Variants in DNAH14 observed in about 807,000 individuals in gnomAD.
DNAH14 encodes dynein axonemal heavy chain 14.
In DNAH14, 478 loss-of-function variants were observed where a neutral mutation model predicts 520.9. That is an observed-to-expected ratio of 0.92 (90% CI 0.85 to 0.99). The LOEUF is 0.99. DNAH14 is among the 50% of genes least tolerant of loss of function. The pLI is 0.00. For synonymous variants in DNAH14, 1,581 were observed against 1,757.2 expected (o/e 0.90, Z 2.51); for missense variants, 4,831 against 5,234.5 (o/e 0.92, Z 2.38).
At chr1:225,024,385 A>G (rs765290846) in intron 11 of DNAH14, 2 of 411,298 alleles carry the variant, frequency 4.9e-6, no homozygotes, top group Non-Finnish European at 6.6e-6. Context: ...CACTACTGTT[A>G]AAAACAAAGC....
At chr1:225,231,831 AAT>A (rs2091150618) in intron 42 of DNAH14, among the ~76,000 whole-genome samples, 1 of 98,046 alleles carries the variant, frequency 1.0e-5, no homozygotes, top group Non-Finnish European at 2.2e-5. Context: ...TGGTTTCCCC[AAT>A]TTTTTCCTGC....
rs1471586203 is a variant in DNAH14 at position 225,204,234 on chromosome 1, G to A, written c.5938G>A (p.Glu1980Lys). The A allele has an allele frequency of 6.7e-7, 1 of 1,491,982 alleles. No homozygotes were observed. The highest frequency in any genetic ancestry group is 2.7e-5 in the East Asian group (1 of 37,220). 92.4% of individuals were successfully genotyped at this position (1,491,982 alleles called of 1,614,324 possible). Residue 1980 changes from glutamate to lysine, a missense_variant, in exon 39 of 86, where the codon GAG becomes AAG. Physicochemically the swap from Glu to Lys is moderately conservative, Grantham distance 56. Coordinates refer to ENST00000682510, the MANE Select transcript of DNAH14 (RefSeq NM_001367479.1). ...DTTETDDNIFEEIEKVVKIPE... is the reference protein window; with the variant it reads ...DTTETDDNIFKEIEKVVKIPE... ...AACAGAGACTGATGATAATATTTTT[G>A]AGGAGATAGAGAAAGTTGTTAAAAT...
intron 41 of DNAH14, among the ~76,000 whole-genome samples, chr1:225,225,484 C>T (rs2090451611): frequency 6.6e-6 from 1 of 152,138 alleles, no homozygotes; most frequent in African/African-American, 2.4e-5. Context: ...CCACATAGAA[C>T]ATCCAACATT....
At chr1:225,170,964 C>G (rs1393292560) in intron 36 of DNAH14, among the ~76,000 whole-genome samples, 1 of 152,216 alleles carries the variant, frequency 6.6e-6, no homozygotes, top group Non-Finnish European at 1.5e-5. Flanking sequence ...GATTAAGAAA[C>G]TCACTCAAAA....
At chr1:224,958,581 G>A (rs977443324) in intron 3 of DNAH14, among the ~76,000 whole-genome samples, 1 of 152,102 alleles carries the variant, frequency 6.6e-6, no homozygotes, top group African/African-American at 2.4e-5. Context: ...TGGGGCAATG[G>A]ACTGGAGTTC....
chr1:225,398,737 T>C, intron 85 of DNAH14, 71 bp downstream of exon 85: 2 of 1,501,144 alleles, frequency 1.3e-6, no homozygotes, highest in Non-Finnish European at 1.8e-6. Flanking sequence ...AAACCACTCT[T>C]ATTCCCATTC....
chr1:225,212,656 A>G (rs113106917), intron 41 of DNAH14, among the ~76,000 whole-genome samples: 3 of 152,144 alleles, frequency 2.0e-5, no homozygotes, highest in Non-Finnish European at 4.4e-5. Context: ...CTGATGGCCA[A>G]TGATGATGAG....
intron 39 of DNAH14, 95 bp from the exon 40 acceptor site, chr1:225,205,875 GA>G: frequency 9.5e-7 from 1 of 1,056,294 alleles, no homozygotes; most frequent in Non-Finnish European, 1.4e-6. Context: ...TTTCCTCTTA[GA>G]AAATATGTCC....
chr1:225,086,528 CATAT>C (rs1018516544), intron 21 of DNAH14, among the ~76,000 whole-genome samples: 1 of 151,928 alleles, frequency 6.6e-6, no homozygotes, highest in African/African-American at 2.4e-5. Context: ...TATACACACA[CATAT>C]ATATACATGC....
At position 225,100,740 on chromosome 1, in the gene DNAH14, C is replaced by A; in HGVS notation, c.3723C>A (p.Phe1241Leu). The change falls in exon 23 of 86, where the codon TTC (phenylalanine) becomes TTA (leucine). Residue 1241 changes from phenylalanine to leucine, a missense_variant. By Grantham distance (22) the Phe-to-Leu change is conservative. Transcript: ENST00000682510. ...RRQLPAETEL[F>L]SQVISMWKKI... ...AACTCCCAGCAGAAACAGAACTTTT[C>A]TCTCAAGTGATTTCCATGTGGAAAA... 1 of 1,516,222 alleles carries A rather than the reference C, an allele frequency of 6.6e-7. No homozygotes were observed. The allele number at this position is 1,516,222 out of a possible 1,614,324, so 93.9% of individuals were successfully genotyped here.
intron 17 of DNAH14, among the ~76,000 whole-genome samples, chr1:225,074,462 T>G (rs2071993378): frequency 6.6e-6 from 1 of 151,916 alleles, no homozygotes; most frequent in African/African-American, 2.4e-5. Flanking sequence ...GTGCTGTGCT[T>G]CTGCCTCTGC....
chr1:225,132,956 G>T (rs2078581152), intron 27 of DNAH14, among the ~76,000 whole-genome samples: 1 of 151,998 alleles, frequency 6.6e-6, no homozygotes, highest in Non-Finnish European at 1.5e-5. Context: ...GTTTTGATTT[G>T]CATTTCTCTA....
At chr1:224,945,054 G>A (rs1435854129) in intron 1 of DNAH14, among the ~76,000 whole-genome samples, 1 of 152,126 alleles carries the variant, frequency 6.6e-6, no homozygotes, top group African/African-American at 2.4e-5. Context: ...TGCTAGACTG[G>A]GGAAGTTCTC....
intron 11 of DNAH14, 107 bp downstream of exon 11, chr1:225,023,972 C>G: frequency 7.0e-7 from 1 of 1,437,788 alleles, no homozygotes. Context: ...TGAAAATTCT[C>G]CTTGTGGCAG....
intron 17 of DNAH14, among the ~76,000 whole-genome samples, chr1:225,059,747 G>C (rs2069748865): frequency 6.6e-6 from 1 of 152,040 alleles, no homozygotes; most frequent in Non-Finnish European, 1.5e-5. Flanking sequence ...CTCAGCATTT[G>C]CTTGTCTGTA....
At chr1:225,369,019 A>G (rs1043154460) in intron 77 of DNAH14, among the ~76,000 whole-genome samples, 1 of 152,244 alleles carries the variant, frequency 6.6e-6, no homozygotes, top group African/African-American at 2.4e-5. Flanking sequence ...TTTGAACCAT[A>G]TATTAGACAT....
rs139079665 is a variant in DNAH14 at position 225,232,280 on chromosome 1, T to TACACACAC, written c.6518+1142_6518+1149dup. On this transcript the variant is annotated intron_variant, in intron 42 of 85. Coordinates refer to ENST00000682510, the MANE Select transcript of DNAH14 (RefSeq NM_001367479.1). This position sits in a 1 kb window ranked among gnomAD's most constrained non-coding sequence, Gnocchi z 4.2. Reference sequence around the variant, plus strand: ...ATATATAAACTGTGATATATATATATACACACACACACACACACACGTGTA... The same window carrying TACACACAC: ...ATATATAAACTGTGATATATATATATACACACACACACACACACACACACACACGTGTA... 0.12 allele frequency among the ~76,000 whole-genome samples: 17,686 copies of TACACACAC among 149,508 alleles called. 1,123 individuals carry two copies. Among genetic ancestry groups the TACACACAC allele is most frequent in the East Asian group, 0.28 (1,403 of 5,074 alleles).
chr1:225,346,589 A>G lies in DNAH14; in HGVS notation c.11231A>G (p.Asn3744Ser). 6.4e-7 allele frequency: 1 copy of G among 1,550,626 alleles called. No homozygotes were observed. Among genetic ancestry groups the G allele is most frequent in the Non-Finnish European group, 8.7e-7 (1 of 1,146,254 alleles). Reference protein sequence around the residue: ...DIGFLPEEEWNIFLYSGILIN... With the variant: ...DIGFLPEEEWSIFLYSGILIN... ...GGATTCCTACCAGAAGAAGAATGGA[A>G]CATCTTTTTATATTCTGGCATATTG... Residue 3744 changes from asparagine (N) to serine (S), a missense_variant, in exon 71 of 86, where the codon AAC becomes AGC. Coordinates refer to ENST00000682510, the MANE Select transcript of DNAH14 (RefSeq NM_001367479.1).
chr1:225,131,313 A>G (rs564031802), intron 27 of DNAH14, among the ~76,000 whole-genome samples: 1 of 152,304 alleles, frequency 6.6e-6, no homozygotes, highest in East Asian at 1.9e-4. Flanking sequence ...CTGTGGGCTA[A>G]GATCAAGGTG....
Sources: gnomAD v4.1 joint callset for allele counts (sites outside exome capture counted in the v4.1 genomes callset) on GRCh38, gnomAD v4.1.1 for gene constraint, Gnocchi (gnomAD v3.1) non-coding constraint, MANE v1.5 for transcripts, NCBI Gene and HGNC (gene_info 2026-07-23, HGNC 2026-07-21) for gene names.